EMILIN2: variants seen among roughly 807,000 people sequenced by gnomAD.
The protein encoded by EMILIN2 is elastin microfibril interfacer 2, also known as EMILIN-2.
Under a neutral mutation model 87.1 loss-of-function variants are expected in EMILIN2, and 71 were observed. The observed-to-expected ratio is 0.82, with a 90% CI of 0.67 to 0.99. The LOEUF (loss-of-function observed/expected upper bound fraction) is 0.99, where lower values mean the gene tolerates loss of function less well. EMILIN2 is among the 50% of genes least tolerant of loss of function. The pLI, the probability that EMILIN2 is intolerant of heterozygous loss-of-function variation, is 0.00. For synonymous variants in EMILIN2, 581 were observed against 563.4 expected, an observed-to-expected ratio of 1.03 and a Z score of -0.44; for missense variants, 1,407 against 1,371.8, an observed-to-expected ratio of 1.03 and a Z score of -0.40.
chr18:2,887,467 C>T (rs2076808594), intron 3 of EMILIN2, among the ~76,000 whole-genome samples: 1 of 140,124 alleles, frequency 7.1e-6, no homozygotes, highest in Admixed American at 7.1e-5. Flanking sequence ...TGGTACCCTC[C>T]TTGCGGTAAT....
rs765996802 is a variant in EMILIN2, at chr18:2,892,144, A to AG, written c.2019dup (p.Trp674ValfsTer16). The AG allele has an allele frequency of 6.2e-7, 1 of 1,608,408 alleles. No individual in the cohort carries two copies. Among genetic ancestry groups the AG allele is most frequent in the Admixed American group, 1.7e-5 (1 of 59,700 alleles). On this transcript the variant is annotated frameshift_variant, in exon 4 of 8. Transcript: ENST00000254528. LOFTEE classifies it high-confidence loss of function. ...TCATTGCTGCAGTCAGCTGGAGGAG[A>AG]GGTGGCAGAGGTTGCAGAGCCAGGT...
At chr18:2,883,959 C>CT (rs1171559075) in intron 2 of EMILIN2, among the ~76,000 whole-genome samples, 1 of 152,030 alleles carries the variant, frequency 6.6e-6, no homozygotes, top group African/African-American at 2.4e-5. Flanking sequence ...TTCTTTCTTT[C>CT]TTTTTATTTT....
At chr18:2,846,948 CG>C (rs544156650), upstream of EMILIN2, 5 of 997,512 alleles carry the variant, frequency 5.0e-6, no homozygotes, top group Non-Finnish European at 6.0e-6. The surrounding 1 kb of genome is among the most constrained non-coding windows in gnomAD (Gnocchi z 5.3). Flanking sequence ...GGGCGGCACC[CG>C]GGGGGACCTG....
chr18:2,911,303 G>A (rs971815952), intron 7 of EMILIN2, among the ~76,000 whole-genome samples: 13 of 152,232 alleles, frequency 8.5e-5, no homozygotes, highest in Non-Finnish European at 2.9e-5. Context: ...GGCGTGCGCA[G>A]TGTTTCCTGG....
intron 2 of EMILIN2, among the ~76,000 whole-genome samples, chr18:2,881,849 C>T (rs2076778184): frequency 1.3e-5 from 2 of 152,226 alleles, no homozygotes; most frequent in East Asian, 1.9e-4. Flanking sequence ...TTTCAAGGAC[C>T]ACACAGAGGA....
chr18:2,911,602 C>G (rs1047965359), intron 7 of EMILIN2, among the ~76,000 whole-genome samples: 2 of 152,152 alleles, frequency 1.3e-5, no homozygotes, highest in Non-Finnish European at 2.9e-5. Context: ...GCCTGACATT[C>G]CTAGTTGGGG....
intron 4 of EMILIN2, among the ~76,000 whole-genome samples, chr18:2,893,862 C>T (rs771564053): frequency 1.3e-5 from 2 of 152,136 alleles, no homozygotes; most frequent in Non-Finnish European, 2.9e-5. Context: ...GGCCAGGCTG[C>T]GTCCAAGAAT....
At chr18:2,884,420 AT>A (rs34923182) in intron 2 of EMILIN2, among the ~76,000 whole-genome samples, 99,405 of 151,886 alleles carry the variant, frequency 0.65, 34,047 homozygotes, top group Non-Finnish European at 0.76. Context: ...TAAGTTTCGT[AT>A]TTTTTGTAGA....
At chr18:2,879,119 G>A (rs369659655) in intron 2 of EMILIN2, among the ~76,000 whole-genome samples, 2 of 152,128 alleles carry the variant, frequency 1.3e-5, no homozygotes, top group Non-Finnish European at 2.9e-5. Context: ...AATGGATGTC[G>A]GGGGAGAGAG....
chr18:2,892,427 G>A lies in EMILIN2; in HGVS notation c.2300G>A (p.Ser767Asn). Residue 767 changes from serine (S) to asparagine (N), a missense_variant, in exon 4 of 8, where the codon AGC (serine) becomes AAC (asparagine). Coordinates refer to ENST00000254528, the MANE Select transcript of EMILIN2 (RefSeq NM_032048.3). ...AAGAATTCAGTCCAGCAGTTCTACAGCCACGTCTTCCAGATTTCTACTGAT... is the reference window on the plus strand; with the variant it reads ...AAGAATTCAGTCCAGCAGTTCTACAACCACGTCTTCCAGATTTCTACTGAT... ...GLKNSVQQFY[S>N]HVFQISTDLQ... 6.2e-7 allele frequency: 1 copy of A among 1,612,792 alleles called. No individual in the cohort carries two copies. Among genetic ancestry groups the A allele is most frequent in the Non-Finnish European group, 8.5e-7 (1 of 1,179,334 alleles).
Position 2,892,633 on chromosome 18 carries a change from C to T in EMILIN2, c.2359+147C>T, listed in dbSNP as rs374231019. 154 of 1,137,694 alleles carry T rather than the reference C, an allele frequency of 1.4e-4. 1 individual carries two copies. The highest frequency in any genetic ancestry group is 3.1e-4 in the Admixed American group (11 of 35,406). 70.5% of individuals were successfully genotyped at this position (1,137,694 alleles called of 1,614,324 possible). On this transcript the variant is annotated intron_variant, in intron 4 of 7. Coordinates refer to ENST00000254528, the MANE Select transcript of EMILIN2 (RefSeq NM_032048.3). ...ATTATGCTAGATTTTGGACAGTTCA[C>T]GGAATGAACTAAATGCCATCAGTCC...
At chr18:2,903,783 T>TA (rs397829437) in intron 4 of EMILIN2, among the ~76,000 whole-genome samples, 13 of 152,130 alleles carry the variant, frequency 8.5e-5, no homozygotes, top group African/African-American at 1.9e-4. Flanking sequence ...CCATTTTTTT[T>TA]AAAAATTGAC....
intron 4 of EMILIN2, among the ~76,000 whole-genome samples, chr18:2,893,066 A>T (rs1481790479): frequency 6.6e-6 from 1 of 152,104 alleles, no homozygotes; most frequent in Non-Finnish European, 1.5e-5. Flanking sequence ...AAATAAACAA[A>T]CAACATTGCA....
In EMILIN2 at chr18:2,891,020, A is replaced by G. The variant is rs918772885; in HGVS notation, c.893A>G (p.Gln298Arg). ...TACGAAGGGCAGCTCAGACAGCTCC[A>G]GGAAGCAGCTCAGGGCCCGACGGTG... is the stretch of plus-strand genomic sequence containing the variant. ...KGYEGQLRQL[Q>R]EAAQGPTVTM... Residue 298 changes from glutamine to arginine, a missense_variant, in exon 4 of 8, where the codon CAG (glutamine) becomes CGG (arginine). Transcript: ENST00000254528. The surrounding 1 kb of genome is among the most constrained non-coding windows in gnomAD (Gnocchi z 4.6). 3 of 1,614,236 alleles carry G rather than the reference A, an allele frequency of 1.9e-6. No individual in the cohort carries two copies. Among genetic ancestry groups the G allele is most frequent in the Non-Finnish European group, 2.5e-6 (3 of 1,180,046 alleles).
intron 2 of EMILIN2, among the ~76,000 whole-genome samples, chr18:2,860,811 A>G (rs1431101741): frequency 6.6e-6 from 1 of 152,226 alleles, no homozygotes; most frequent in East Asian, 1.9e-4. Flanking sequence ...AGGAATCGCC[A>G]CACTGACTTC....
chr18:2,889,692 C>CTTTTTTTTTTTTTTTTTT (rs34248672), intron 3 of EMILIN2, among the ~76,000 whole-genome samples: 18 of 96,640 alleles, frequency 1.9e-4, no homozygotes, highest in South Asian at 3.5e-4. Context: ...TTTTTCTTTT[C>CTTTTTTTTTTTTTTTTTT]TTTTTTTTTT....
Position 2,914,819 on chromosome 18 carries a change from G to A in EMILIN2, c.*1415G>A, listed in dbSNP as rs1015577419. 4 of 152,240 alleles carry A rather than the reference G, an allele frequency of 2.6e-5. No homozygotes were observed. The highest frequency in any genetic ancestry group is 5.9e-5 in the Non-Finnish European group (4 of 68,046). The allele number at this position is 152,240 out of a possible 1,614,324, so 9.4% of individuals were successfully genotyped here. On this transcript the variant is annotated 3_prime_UTR_variant, in exon 8 of 8. Coordinates refer to ENST00000254528, the MANE Select transcript of EMILIN2 (RefSeq NM_032048.3). ...CCGCCACAGCTAGGAAGACCAGCAA[G>A]AACTAAAGGTTTGCCGTTTTACTAT...
intron 7 of EMILIN2, among the ~76,000 whole-genome samples, chr18:2,910,153 C>T (rs1329040570): frequency 2.7e-5 from 4 of 150,146 alleles, no homozygotes; most frequent in Admixed American, 6.6e-5. Context: ...CATGCCCTGG[C>T]CACCTCTGAT....
In EMILIN2 at chr18:2,869,101, A is replaced by T. The variant is rs188423450; in HGVS notation, c.258-15863A>T. Among the ~76,000 whole-genome samples the T allele has an allele frequency of 8.3e-4, 126 of 152,296 alleles. 1 individual carries two copies. The East Asian group carries it at 0.017, about 21-fold the overall frequency. On this transcript the variant is annotated intron_variant, in intron 2 of 7. Transcript: ENST00000254528. ...CTGAAGAGTAATCTGATACATTTTTAAAAAACCAACTCTAGTTAAACCTAC... is the reference window on the plus strand; with the variant it reads ...CTGAAGAGTAATCTGATACATTTTTTAAAAACCAACTCTAGTTAAACCTAC...
Sources: allele counts gnomAD v4.1 joint callset (sites outside exome capture counted in the v4.1 genomes callset), GRCh38; gene constraint gnomAD v4.1.1; non-coding constraint Gnocchi (gnomAD v3.1); transcripts MANE v1.5; gene names NCBI Gene and HGNC (gene_info 2026-07-23, HGNC 2026-07-21).